Variants in ARFGEF1 observed in about 807,000 individuals in gnomAD.
The protein encoded by ARFGEF1 is brefeldin A-inhibited guanine nucleotide-exchange protein 1.
A neutral mutation model predicts 231.0 loss-of-function variants in ARFGEF1; 42 were observed. That is an observed-to-expected ratio of 0.18 (90% CI 0.14 to 0.24). The LOEUF (loss-of-function observed/expected upper bound fraction) is 0.24. Among genes scored for constraint, ARFGEF1 ranks in the 10% least tolerant of loss-of-function variants. The pLI, the probability that ARFGEF1 is intolerant of heterozygous loss-of-function variation, is 1.00. For missense variants in ARFGEF1, 1,345 were observed against 2,192.0 expected, an observed-to-expected ratio of 0.61 and a Z score of 7.72; for synonymous variants, 710 against 732.3, an observed-to-expected ratio of 0.97 and a Z score of 0.49.
At chr8:67,195,403 A>C, downstream of ARFGEF1, 1 of 1,613,906 alleles carries the variant, frequency 6.2e-7, no homozygotes, top group South Asian at 1.1e-5. Context: ...TCACTGGTTG[A>C]CCCTGATGAC....
At chr8:67,312,395 G>A (rs1324855544) in intron 1 of ARFGEF1, among the ~76,000 whole-genome samples, 2 of 152,060 alleles carry the variant, frequency 1.3e-5, no homozygotes, top group African/African-American at 4.8e-5. Context: ...CACCATGGAA[G>A]CCAATAGGAG....
intron 1 of ARFGEF1, among the ~76,000 whole-genome samples, chr8:67,319,229 T>G (rs1268820850): frequency 6.6e-6 from 1 of 152,182 alleles, no homozygotes; most frequent in Non-Finnish European, 1.5e-5. Flanking sequence ...ATTCTAACAT[T>G]TGTTAGGAAA....
chr8:67,265,939 G>C (rs1010372834), intron 14 of ARFGEF1, 67 bp downstream of exon 14: 2 of 1,473,686 alleles, frequency 1.4e-6, no homozygotes, highest in Non-Finnish European at 1.9e-6. Flanking sequence ...ATAAACCCAC[G>C]GCAGGGGTGG....
chr8:67,198,513 C>A lies in ARFGEF1; in HGVS notation c.*421G>T. ...TATCTTTTACCATGAACAATAATTT[C>A]TTCTTCTCTCCCCACTCCCCAATTA... On this transcript the variant is annotated 3_prime_UTR_variant, in exon 39 of 39. Transcript: ENST00000262215. The A allele has an allele frequency of 1.0e-6, 1 of 989,800 alleles. No homozygotes were observed. The highest frequency in any genetic ancestry group is 1.2e-6 in the Non-Finnish European group (1 of 832,834). 61.3% of individuals were successfully genotyped at this position (989,800 alleles called of 1,614,324 possible). A position where few individuals can be genotyped will look rare whatever the true frequency, so the allele number is the denominator to read the frequency against.
chr8:67,259,768 T>G (rs1165989308), intron 15 of ARFGEF1, 47 bp downstream of exon 15: 1 of 1,403,726 alleles, frequency 7.1e-7, no homozygotes, highest in Non-Finnish European at 9.8e-7. Flanking sequence ...GAAAAAAAAA[T>G]CCCAAGAATT....
intron 19 of ARFGEF1, among the ~76,000 whole-genome samples, chr8:67,250,998 G>T (rs1443620681): frequency 6.6e-6 from 1 of 152,152 alleles, no homozygotes; most frequent in East Asian, 1.9e-4. Flanking sequence ...AAAGGCTTAA[G>T]CATAACTCAT....
intron 5 of ARFGEF1, among the ~76,000 whole-genome samples, chr8:67,182,399 T>C (rs540714307): frequency 1.3e-5 from 2 of 152,212 alleles, no homozygotes; most frequent in Non-Finnish European, 2.9e-5. Flanking sequence ...CAGTAGACAC[T>C]TGAGTTGCTT....
intron 23 of ARFGEF1, among the ~76,000 whole-genome samples, chr8:67,231,771 T>A (rs1439128289): frequency 6.6e-6 from 1 of 152,044 alleles, no homozygotes; most frequent in Non-Finnish European, 1.5e-5. Context: ...AGTTATTTAA[T>A]CTTTTTCTGT....
At chr8:67,277,703 T>C in intron 7 of ARFGEF1, among the ~76,000 whole-genome samples, 1 of 152,204 alleles carries the variant, frequency 6.6e-6, no homozygotes, top group Non-Finnish European at 1.5e-5. Context: ...AACCAGGATG[T>C]GCCAAAACAG....
intron 34 of ARFGEF1, 99 bp from the exon 35 acceptor site, chr8:67,204,918 T>TGAATACATATTG: frequency 5.7e-6 from 8 of 1,396,054 alleles, no homozygotes; most frequent in Non-Finnish European, 7.9e-6. Flanking sequence ...CATCAATATG[T>TGAATACATATTG]ATTCACATAT....
chr8:67,215,631 T>C (rs1226961969), intron 33 of ARFGEF1, among the ~76,000 whole-genome samples: 1 of 152,166 alleles, frequency 6.6e-6, no homozygotes, highest in Non-Finnish European at 1.5e-5. Context: ...GAGTGATATG[T>C]GAACAAGCCA....
chr8:67,197,899 T>G lies in ARFGEF1; in HGVS notation c.*1035A>C, dbSNP rs542427756. 371 of 985,872 alleles carry G rather than the reference T, an allele frequency of 3.8e-4. No homozygotes were observed. The highest frequency in any genetic ancestry group is 5.2e-4 in the Middle Eastern group (1 of 1,914). 61.1% of individuals were successfully genotyped at this position (985,872 alleles called of 1,614,324 possible). ...GCACAATTCACAGTATGAATACATT[T>G]CCAGTAAATCTAACCTCCGCAAACC... On this transcript the variant is annotated 3_prime_UTR_variant, in exon 39 of 39. Coordinates refer to ENST00000262215, the MANE Select transcript of ARFGEF1 (RefSeq NM_006421.5).
intron 1 of ARFGEF1, among the ~76,000 whole-genome samples, chr8:67,309,446 G>A (rs1381962651): frequency 3.3e-5 from 5 of 152,118 alleles, no homozygotes; most frequent in Non-Finnish European, 7.4e-5. Flanking sequence ...ACCATATTCT[G>A]GAGAACTAAA....
chr8:67,286,023 TG>T (rs1468865931), intron 7 of ARFGEF1, among the ~76,000 whole-genome samples: 1 of 152,170 alleles, frequency 6.6e-6, no homozygotes, highest in Non-Finnish European at 1.5e-5. Flanking sequence ...TTGGGAAAAC[TG>T]GGAACACTGA....
intron 1 of ARFGEF1, among the ~76,000 whole-genome samples, chr8:67,311,006 G>A (rs1404684053): frequency 7.1e-6 from 1 of 140,272 alleles, no homozygotes; most frequent in Non-Finnish European, 1.5e-5. Flanking sequence ...CCCCCGCCCG[G>A]CCAGCCGCCC....
intron 32 of ARFGEF1, 103 bp from the exon 33 acceptor site, chr8:67,216,765 T>C: frequency 1.3e-6 from 1 of 798,484 alleles, no homozygotes; most frequent in Non-Finnish European, 1.9e-6. Context: ...ACATACCAAC[T>C]AAACAGTCCA....
At chr8:67,331,104 C>T (rs190707838) in intron 1 of ARFGEF1, among the ~76,000 whole-genome samples, 128 of 151,962 alleles carry the variant, frequency 8.4e-4, no homozygotes, top group Middle Eastern at 6.8e-3. Flanking sequence ...GTCAATCTTA[C>T]CAGATACCAC....
At chr8:67,258,527 C>T (rs574344518) in intron 15 of ARFGEF1, among the ~76,000 whole-genome samples, 127 of 152,076 alleles carry the variant, frequency 8.4e-4, no homozygotes, top group African/African-American at 2.8e-3. Context: ...AGGGTTTCAC[C>T]ATCTTGGCCA....
chr8:67,225,443 A>G (rs1445865655), intron 28 of ARFGEF1, among the ~76,000 whole-genome samples: 1 of 152,238 alleles, frequency 6.6e-6, no homozygotes, highest in Non-Finnish European at 1.5e-5. Flanking sequence ...GGTCCATGGT[A>G]GTACGGAATA....
Sources: gnomAD v4.1 joint callset for allele counts (sites outside exome capture counted in the v4.1 genomes callset) on GRCh38, gnomAD v4.1.1 for gene constraint, MANE v1.5 for transcripts, NCBI Gene and HGNC (gene_info 2026-07-23, HGNC 2026-07-21) for gene names.